Variants in LOC128462377 observed in about 807,000 individuals in gnomAD.
chr16:89,362,053 T>TA, the LOC128462377 span, among the ~76,000 whole-genome samples: 1 of 152,246 alleles, frequency 6.6e-6, no homozygotes, highest in Non-Finnish European at 1.5e-5. Flanking sequence ...GCTCCTCAGA[T>TA]ACGTTTCATT....
chr16:89,401,538 T>C, the LOC128462377 span, among the ~76,000 whole-genome samples: 2 of 152,210 alleles, frequency 1.3e-5, no homozygotes, highest in Non-Finnish European at 2.9e-5. Context: ...ACATGTTTTA[T>C]CTTGGGTGGA....
the LOC128462377 span, among the ~76,000 whole-genome samples, chr16:89,355,091 T>C: frequency 0.023 from 3,487 of 152,258 alleles, 147 homozygotes; most frequent in African/African-American, 0.078. Context: ...AGTCTAAATG[T>C]TGCTGACATT....
At chr16:89,320,154 T>A in the LOC128462377 span, 2 of 152,296 alleles carry the variant, frequency 1.3e-5, no homozygotes, top group African/African-American at 4.8e-5. Context: ...CTGGCAGGGC[T>A]GTCACATAAA....
chr16:89,385,749 C>T, the LOC128462377 span, among the ~76,000 whole-genome samples: 5 of 152,386 alleles, frequency 3.3e-5, no homozygotes, highest in East Asian at 3.9e-4. Flanking sequence ...TCACGTCTGA[C>T]GACAGAAGGC....
chr16:89,342,535 C>G, the LOC128462377 span, among the ~76,000 whole-genome samples: 1 of 152,238 alleles, frequency 6.6e-6, no homozygotes, highest in Non-Finnish European at 1.5e-5. Flanking sequence ...CTGCGTGGCT[C>G]TCTCCTAGCA....
At chr16:89,358,708 G>A in the LOC128462377 span, among the ~76,000 whole-genome samples, 166 of 152,288 alleles carry the variant, frequency 1.1e-3, no homozygotes, top group African/African-American at 3.9e-3. Flanking sequence ...GCCCTCGCTG[G>A]CCCTGTGTGC....
the LOC128462377 span, among the ~76,000 whole-genome samples, chr16:89,341,718 A>G: frequency 6.6e-6 from 1 of 152,358 alleles, no homozygotes; most frequent in South Asian, 2.1e-4. Flanking sequence ...TGATATACCT[A>G]CAAAAGCAAA....
At chr16:89,354,243 CAAAAAAAAAAA>C in the LOC128462377 span, among the ~76,000 whole-genome samples, 2 of 126,240 alleles carry the variant, frequency 1.6e-5, no homozygotes, top group Admixed American at 7.9e-5. Context: ...TGCATTCAGC[CAAAAAAAAAAA>C]AAAAAAGAAA....
chr16:89,417,111 A>C, the LOC128462377 span, among the ~76,000 whole-genome samples: 1 of 152,162 alleles, frequency 6.6e-6, no homozygotes, highest in Non-Finnish European at 1.5e-5. Context: ...CTTTCCTTCA[A>C]ACCTCACCTC....
chr16:89,377,187 C>A, the LOC128462377 span, among the ~76,000 whole-genome samples: 1 of 152,230 alleles, frequency 6.6e-6, no homozygotes, highest in East Asian at 1.9e-4. Context: ...CACAGCGTAT[C>A]TAATTCAGCC....
At chr16:89,394,646 A>T in the LOC128462377 span, among the ~76,000 whole-genome samples, 5 of 151,544 alleles carry the variant, frequency 3.3e-5, no homozygotes, top group African/African-American at 1.2e-4. Context: ...AAAAAAACAA[A>T]CAACCTTTTG....
the LOC128462377 span, among the ~76,000 whole-genome samples, chr16:89,320,651 A>G: frequency 6.6e-6 from 1 of 152,034 alleles, no homozygotes; most frequent in African/African-American, 2.4e-5. Flanking sequence ...CCACTGGCAC[A>G]CTCCCTGAAG....
the LOC128462377 span, among the ~76,000 whole-genome samples, chr16:89,401,784 C>A: frequency 6.6e-6 from 1 of 152,084 alleles, no homozygotes; most frequent in African/African-American, 2.4e-5. Flanking sequence ...GAGCTGTGCA[C>A]GCAGGGAGAA....
chr16:89,347,596 GC>G, the LOC128462377 span, among the ~76,000 whole-genome samples: 1 of 140,416 alleles, frequency 7.1e-6, no homozygotes, highest in Non-Finnish European at 1.5e-5. Context: ...GGGCGACAGA[GC>G]GAGACTCCGT....
the LOC128462377 span, among the ~76,000 whole-genome samples, chr16:89,401,225 G>T: frequency 1.3e-5 from 2 of 151,942 alleles, no homozygotes; most frequent in African/African-American, 2.4e-5. Context: ...TTCCAAGACG[G>T]CCGCCACCAC....
the LOC128462377 span, among the ~76,000 whole-genome samples, chr16:89,389,584 G>GT: frequency 6.6e-6 from 1 of 152,210 alleles, no homozygotes; most frequent in African/African-American, 2.4e-5. Context: ...AGATGACGCT[G>GT]TGTGAGACGA....
the LOC128462377 span, among the ~76,000 whole-genome samples, chr16:89,389,385 T>C: frequency 6.6e-6 from 1 of 151,992 alleles, no homozygotes; most frequent in Non-Finnish European, 1.5e-5. Flanking sequence ...AAAAAATTCC[T>C]GGGCATGTAA....
the LOC128462377 span, among the ~76,000 whole-genome samples, chr16:89,416,114 T>A: frequency 6.6e-6 from 1 of 152,064 alleles, no homozygotes; most frequent in Non-Finnish European, 1.5e-5. Flanking sequence ...TTAAACACCT[T>A]AGATTATTAC....
chr16:89,324,570 A>G, the LOC128462377 span: 1 of 454,508 alleles, frequency 2.2e-6, no homozygotes, highest in South Asian at 1.6e-5. Context: ...CGAACCCTCC[A>G]TCTGGGGGGG....
Sources: allele counts gnomAD v4.1 joint callset (sites outside exome capture counted in the v4.1 genomes callset), GRCh38; gene constraint gnomAD v4.1.1; transcripts MANE v1.5.